HMCN1: variants seen among roughly 807,000 people sequenced by gnomAD.
HMCN1 encodes the protein hemicentin 1.
HMCN1 carries 321 observed loss-of-function variants against 625.9 expected under a neutral mutation model. That is an observed-to-expected ratio of 0.51 (90% confidence interval 0.47 to 0.56). HMCN1 has a LOEUF of 0.56. Ranked by LOEUF, HMCN1 falls within the 20% of genes least tolerant of loss-of-function variation. HMCN1 has a pLI of 0.00. For missense variants in HMCN1, 6,588 were observed against 6,887.3 expected (o/e 0.96, Z 1.54); for synonymous variants, 2,425 against 2,417.6 (o/e 1.00, Z -0.09).
At chr1:186,009,425 G>A (rs537739160) in intron 30 of HMCN1, among the ~76,000 whole-genome samples, 3 of 152,008 alleles carry the variant, frequency 2.0e-5, no homozygotes, top group South Asian at 2.1e-4. Context: ...AGCAATGCTC[G>A]CCTGCATCTC....
intron 69 of HMCN1, among the ~76,000 whole-genome samples, chr1:186,106,562 T>C (rs1330673737): frequency 6.6e-6 from 1 of 152,236 alleles, no homozygotes; most frequent in Non-Finnish European, 1.5e-5. Context: ...TGAATATTTG[T>C]TTCTTCAATG....
intron 1 of HMCN1, among the ~76,000 whole-genome samples, chr1:185,816,626 G>T (rs967134952): frequency 3.3e-5 from 5 of 152,136 alleles, no homozygotes; most frequent in Non-Finnish European, 7.3e-5. Flanking sequence ...AAAAACCAGT[G>T]GTCTGTATTG....
chr1:185,935,289 G>A (rs1049852542), intron 11 of HMCN1, among the ~76,000 whole-genome samples: 1 of 152,028 alleles, frequency 6.6e-6, no homozygotes, highest in Non-Finnish European at 1.5e-5. Context: ...ACTTCTGTGA[G>A]TAAAGAATTA....
rs1655442816 is a variant in HMCN1, at chr1:185,760,731, G to A, written c.268+25684G>A. Among the ~76,000 whole-genome samples, 6 of 152,126 alleles carry A rather than the reference G, an allele frequency of 3.9e-5. No individual in the cohort carries two copies. The South Asian group carries it at 1.2e-3, about 32-fold the overall frequency. ...AGAATGTGGAAAATCCAGGTTTCAT[G>A]GAAGGAATACTAATAGGTAATGCTT... is the stretch of plus-strand genomic sequence containing the variant. On this transcript the variant is annotated intron_variant, in intron 1 of 106. Coordinates refer to ENST00000271588, the MANE Select transcript of HMCN1 (RefSeq NM_031935.3).
intron 1 of HMCN1, among the ~76,000 whole-genome samples, chr1:185,828,417 C>T (rs1442914184): frequency 6.6e-6 from 1 of 151,980 alleles, no homozygotes; most frequent in Non-Finnish European, 1.5e-5. Context: ...TATCTATGTA[C>T]TAACAACATC....
chr1:186,179,908 A>C (rs11583483), intron 104 of HMCN1, among the ~76,000 whole-genome samples: 44,677 of 151,798 alleles, frequency 0.29, 6,784 homozygotes, highest in Middle Eastern at 0.39. Flanking sequence ...CTGGACACTC[A>C]AACTTTACCC....
At chr1:185,993,339 C>T (rs756809521) in intron 23 of HMCN1, 30 bp downstream of exon 23, 2 of 1,610,712 alleles carry the variant, frequency 1.2e-6, no homozygotes, top group East Asian at 4.5e-5. Flanking sequence ...CATATGACAA[C>T]CCTGTGGACT....
chr1:186,092,117 A>T (rs1370541377), intron 64 of HMCN1, among the ~76,000 whole-genome samples: 1 of 151,804 alleles, frequency 6.6e-6, no homozygotes, highest in African/African-American at 2.4e-5. Context: ...CATAGCTAGG[A>T]ATTTGGAGTC....
rs1571378228 is a variant in HMCN1 at position 186,119,217 on chromosome 1, T to C, written c.11875T>C (p.Leu3959=). 6.2e-7 allele frequency: 1 copy of C among 1,613,838 alleles called. No homozygotes were observed. The highest frequency in any genetic ancestry group is 1.1e-5 in the South Asian group (1 of 91,080). The part of the protein sequence containing the change: ...SGAIEILATQ[L]NHAGRYTCVA... ...AGCAATTGAAATACTTGCCACCCAATTAAACCATGCTGGAAGATACACTTG... is the reference window on the plus strand; with the variant it reads ...AGCAATTGAAATACTTGCCACCCAACTAAACCATGCTGGAAGATACACTTG... Residue 3959 remains leucine (L), a synonymous_variant, in exon 78 of 107, where the codon TTA becomes CTA. Coordinates refer to ENST00000271588, the MANE Select transcript of HMCN1 (RefSeq NM_031935.3).
chr1:186,170,064 A>G (rs962899264), intron 100 of HMCN1, among the ~76,000 whole-genome samples: 1 of 152,224 alleles, frequency 6.6e-6, no homozygotes. Flanking sequence ...CAAACATGAA[A>G]AAAAGCTCAT....
intron 4 of HMCN1, among the ~76,000 whole-genome samples, chr1:185,895,038 G>A (rs1665408142): frequency 6.6e-6 from 1 of 152,112 alleles, no homozygotes; most frequent in Non-Finnish European, 1.5e-5. Flanking sequence ...TTATGTGAAT[G>A]CCTGGGAGTT....
At chr1:185,935,289 G>C (rs1049852542) in intron 11 of HMCN1, among the ~76,000 whole-genome samples, 1 of 152,028 alleles carries the variant, frequency 6.6e-6, no homozygotes, top group East Asian at 1.9e-4. Flanking sequence ...ACTTCTGTGA[G>C]TAAAGAATTA....
intron 50 of HMCN1, among the ~76,000 whole-genome samples, chr1:186,069,394 T>TACCA (rs1658340550): frequency 6.6e-6 from 1 of 152,114 alleles, no homozygotes; most frequent in African/African-American, 2.4e-5. Context: ...TTATGAAGGA[T>TACCA]CTTAGCTAGA....
chr1:186,124,773 A>G (rs565549020), intron 81 of HMCN1, among the ~76,000 whole-genome samples: 221 of 152,178 alleles, frequency 1.5e-3, no homozygotes, highest in Middle Eastern at 3.4e-3. Flanking sequence ...TTAAAATGTC[A>G]TTAAGATGGG....
chr1:185,971,539 G>T (rs1650834465), intron 15 of HMCN1, among the ~76,000 whole-genome samples: 1 of 151,982 alleles, frequency 6.6e-6, no homozygotes, highest in Admixed American at 6.6e-5. Flanking sequence ...GCATTCAATT[G>T]TCCTCTATTT....
intron 43 of HMCN1, among the ~76,000 whole-genome samples, 153 bp downstream of exon 43, chr1:186,053,227 A>C (rs1349833877): frequency 6.6e-6 from 1 of 152,122 alleles, no homozygotes; most frequent in Non-Finnish European, 1.5e-5. Flanking sequence ...AATGTGCAAC[A>C]TGTGATACTT....
intron 45 of HMCN1, among the ~76,000 whole-genome samples, chr1:186,056,808 A>G (rs1341133936): frequency 2.0e-5 from 3 of 151,924 alleles, no homozygotes; most frequent in Non-Finnish European, 4.4e-5. Context: ...CTTACCACCT[A>G]CGTGACAGGA....
At position 185,734,484 on chromosome 1, in the gene HMCN1, A is replaced by C. The variant is rs996956367; in HGVS notation, c.-296A>C. ...GCTCAGAGCTGCCCCCGGGGCATGG[A>C]CCCGACGCGCCGCCCGCACTCCGCC... On this transcript the variant is annotated 5_prime_UTR_variant, in exon 1 of 107. Transcript: ENST00000271588. The C allele has an allele frequency of 1.3e-5, 5 of 375,968 alleles. No individual in the cohort carries two copies. Among genetic ancestry groups the C allele is most frequent in the Non-Finnish European group, 2.4e-5 (5 of 206,638 alleles). The allele number at this position is 375,968 out of a possible 1,614,324, so 23.3% of individuals were successfully genotyped here.
intron 71 of HMCN1, among the ~76,000 whole-genome samples, 189 bp from the exon 72 acceptor site, chr1:186,112,623 G>T (rs1660942770): frequency 6.6e-6 from 1 of 152,200 alleles, no homozygotes; most frequent in Non-Finnish European, 1.5e-5. Flanking sequence ...CTCTGCCTTT[G>T]ACTTAACATC....
Sources: gnomAD v4.1 joint callset for allele counts (sites outside exome capture counted in the v4.1 genomes callset) on GRCh38, gnomAD v4.1.1 for gene constraint, MANE v1.5 for transcripts, NCBI Gene and HGNC (gene_info 2026-07-23, HGNC 2026-07-21) for gene names.